GIT2: variants seen among roughly 807,000 people sequenced by gnomAD.
The protein encoded by GIT2 is GIT ArfGAP 2.
GIT2 carries 32 observed loss-of-function variants against 100.3 expected under a neutral mutation model. That is an observed-to-expected ratio of 0.32 (90% confidence interval 0.24 to 0.43). The LOEUF is 0.43. Ranked by LOEUF, GIT2 falls within the 20% of genes least tolerant of loss-of-function variation. The pLI, the probability that GIT2 is intolerant of heterozygous loss-of-function variation, is 1.00. For missense variants in GIT2, 737 were observed against 975.1 expected, an observed-to-expected ratio of 0.76 and a Z score of 3.25; for synonymous variants, 353 against 364.1, an observed-to-expected ratio of 0.97 and a Z score of 0.35.
Position 109,938,360 on chromosome 12 carries a change from G to C in GIT2, c.2003+20C>G. 1 of 1,585,610 alleles carries C rather than the reference G, an allele frequency of 6.3e-7. No individual in the cohort carries two copies. Among genetic ancestry groups the C allele is most frequent in the Non-Finnish European group, 8.6e-7 (1 of 1,159,524 alleles). The stretch of plus-strand genomic sequence containing the variant: ...GCATAACTCATGCTCTCCCAAAGCA[G>C]GGTCTTCAATCCTGCTTACCTGTCA... On this transcript the variant is annotated intron_variant, in intron 18 of 19. Coordinates refer to ENST00000355312, the MANE Select transcript of GIT2 (RefSeq NM_057169.5).
chr12:109,947,158 G>T lies in GIT2; in HGVS notation c.1641+98C>A. ...AATGGTAACTCTCTTAGTCCAATTT[G>T]GCAAAGCAGAGCTGTGGGGACCTGT... On this transcript the variant is annotated intron_variant, in intron 15 of 19. Transcript: ENST00000355312. The surrounding 1 kb of genome is among the most constrained non-coding windows in gnomAD (Gnocchi z 4.3). The T allele has an allele frequency of 2.6e-6, 3 of 1,144,120 alleles. No individual in the cohort carries two copies. Among genetic ancestry groups the T allele is most frequent in the Non-Finnish European group, 3.8e-6 (3 of 792,816 alleles). 70.9% of individuals were successfully genotyped at this position (1,144,120 alleles called of 1,614,324 possible).
intron 1 of GIT2, among the ~76,000 whole-genome samples, chr12:109,995,948 G>A (rs1363610089): frequency 6.6e-6 from 1 of 152,218 alleles, no homozygotes; most frequent in Non-Finnish European, 1.5e-5. Context: ...CGGAGGGAAC[G>A]GGAGGGAACG....
At chr12:109,959,549 G>C (rs1298917637) in intron 12 of GIT2, among the ~76,000 whole-genome samples, 1 of 152,052 alleles carries the variant, frequency 6.6e-6, no homozygotes, top group Non-Finnish European at 1.5e-5. Flanking sequence ...GGCTCAGACA[G>C]GTAAACTATT....
upstream of GIT2, chr12:109,999,689 A>C (rs1264612437): frequency 5.2e-6 from 8 of 1,532,586 alleles, no homozygotes; most frequent in Non-Finnish European, 7.0e-6. This position sits in a 1 kb window ranked among gnomAD's most constrained non-coding sequence, Gnocchi z 4.3. Flanking sequence ...CCTCCTCGCC[A>C]TGTCCTCGGC....
chr12:109,959,941 A>G lies in GIT2; in HGVS notation c.1005T>C (p.Ala335=), dbSNP rs1880609803. The change falls in exon 12 of 20, where the codon GCT becomes GCC. Residue 335 remains alanine, a synonymous_variant. Coordinates refer to ENST00000355312, the MANE Select transcript of GIT2 (RefSeq NM_057169.5). ...STRNQGRQKL[A]RFNAHEFATL... Reference sequence around the variant, plus strand: ...TGGCAAACTCATGGGCGTTGAACCGAGCTAACTTCTGTCTGCCCTAAAGGT... The same window carrying G: ...TGGCAAACTCATGGGCGTTGAACCGGGCTAACTTCTGTCTGCCCTAAAGGT... The G allele has an allele frequency of 6.2e-7, 1 of 1,612,780 alleles. No individual in the cohort carries two copies. The highest frequency in any genetic ancestry group is 8.5e-7 in the Non-Finnish European group (1 of 1,178,726).
intron 18 of GIT2, among the ~76,000 whole-genome samples, chr12:109,937,127 A>T (rs1873263995): frequency 6.6e-6 from 1 of 152,232 alleles, no homozygotes; most frequent in Non-Finnish European, 1.5e-5. Flanking sequence ...AGCTTCCAGC[A>T]GTCCCTCCAG....
chr12:109,977,446 G>A (rs1885336208), intron 7 of GIT2, among the ~76,000 whole-genome samples: 1 of 152,122 alleles, frequency 6.6e-6, no homozygotes, highest in African/African-American at 2.4e-5. Context: ...AAGAGGTTGA[G>A]GTTTCAGTGA....
intron 7 of GIT2, among the ~76,000 whole-genome samples, chr12:109,980,058 A>G (rs1886000538): frequency 6.6e-6 from 1 of 152,186 alleles, no homozygotes; most frequent in Non-Finnish European, 1.5e-5. Context: ...CTTTCTTGCA[A>G]TAAAACTTTA....
chr12:109,934,847 G>A lies in GIT2; in HGVS notation c.2004-762C>T, dbSNP rs752407202. Among the ~76,000 whole-genome samples, 6 of 152,310 alleles carry A rather than the reference G, an allele frequency of 3.9e-5. No homozygotes were observed. In the South Asian group the frequency reaches 1.2e-3, roughly 32 times the overall value. On this transcript the variant is annotated intron_variant, in intron 18 of 19. Transcript: ENST00000355312. This position sits in a 1 kb window ranked among gnomAD's most constrained non-coding sequence, Gnocchi z 4.5. ...TCCCAGCACTTTGGGAGGCCAAAGC[G>A]GGCGGATCACCTGAGGTCAGGAGTT...
intron 9 of GIT2, 80 bp from the exon 10 acceptor site, chr12:109,961,765 C>G: frequency 2.5e-6 from 2 of 814,742 alleles, no homozygotes; most frequent in South Asian, 2.7e-5. Flanking sequence ...CTTAGTCACC[C>G]TTTTATTGCC....
At chr12:109,980,609 CAAAT>C (rs1454754121) in intron 7 of GIT2, among the ~76,000 whole-genome samples, 8 of 152,102 alleles carry the variant, frequency 5.3e-5, no homozygotes, top group African/African-American at 1.9e-4. Context: ...AAGAATTTTT[CAAAT>C]AACTACAAAG....
At chr12:109,994,075 CAAAAAAAAAA>C (rs34393850) in intron 1 of GIT2, among the ~76,000 whole-genome samples, 1 of 59,692 alleles carries the variant, frequency 1.7e-5, no homozygotes, top group Non-Finnish European at 3.7e-5. Context: ...ACACTAATGG[CAAAAAAAAAA>C]AAAAAAAAAA....
rs1384378433 is a variant in GIT2, at chr12:109,932,603, C to T, written c.*375G>A. ...ATTTTTTCTTTTTTAACTGAACTCT[C>T]TCAAGAAAATGTTTTATGAAAAATT... On this transcript the variant is annotated 3_prime_UTR_variant, in exon 20 of 20. Coordinates refer to ENST00000355312, the MANE Select transcript of GIT2 (RefSeq NM_057169.5). 5.7e-6 allele frequency: 1 copy of T among 175,608 alleles called. No homozygotes were observed. The highest frequency in any genetic ancestry group is 1.2e-5 in the Non-Finnish European group (1 of 82,210). The allele number at this position is 175,608 out of a possible 1,614,324, so 10.9% of individuals were successfully genotyped here.
intron 18 of GIT2, among the ~76,000 whole-genome samples, chr12:109,937,368 C>A (rs936987299): frequency 2.0e-5 from 3 of 152,070 alleles, no homozygotes; most frequent in Admixed American, 6.6e-5. Context: ...ACTTTTTGCT[C>A]GTGCAAGGCG....
intron 3 of GIT2, among the ~76,000 whole-genome samples, chr12:109,989,380 G>A (rs1383645664): frequency 6.6e-6 from 1 of 152,152 alleles, no homozygotes; most frequent in African/African-American, 2.4e-5. Context: ...ACAGGCAGAC[G>A]GGTGCCCAGA....
chr12:109,935,356 G>A (rs1872687738), intron 18 of GIT2, among the ~76,000 whole-genome samples: 1 of 152,196 alleles, frequency 6.6e-6, no homozygotes, highest in Non-Finnish European at 1.5e-5. Flanking sequence ...TAAACTGTGT[G>A]TCTGTTAATA....
At chr12:109,952,690 G>A (rs577513460) in intron 13 of GIT2, 1 of 501,196 alleles carries the variant, frequency 2.0e-6, no homozygotes, top group South Asian at 1.5e-5. Context: ...GATGCTCCCA[G>A]CCATAGATTC....
At chr12:109,984,267 G>A (rs936804240) in intron 4 of GIT2, among the ~76,000 whole-genome samples, 18 of 151,854 alleles carry the variant, frequency 1.2e-4, no homozygotes, top group Non-Finnish European at 1.5e-5. Context: ...AAAATTAGTT[G>A]GGTGTGGTGG....
intron 12 of GIT2, chr12:109,953,940 C>T (rs537155671): frequency 6.6e-6 from 1 of 152,312 alleles, no homozygotes; most frequent in East Asian, 1.9e-4. Flanking sequence ...ATACCTATAA[C>T]ATATTTACAA....
Sources: gnomAD v4.1 joint callset for allele counts (sites outside exome capture counted in the v4.1 genomes callset) on GRCh38, gnomAD v4.1.1 for gene constraint, Gnocchi (gnomAD v3.1) non-coding constraint, MANE v1.5 for transcripts, NCBI Gene and HGNC (gene_info 2026-07-23, HGNC 2026-07-21) for gene names.